GRM7: variants seen among roughly 807,000 people sequenced by gnomAD.
GRM7 encodes metabotropic glutamate receptor 7.
A neutral mutation model predicts 84.5 loss-of-function variants in GRM7; 35 were observed. That is an observed-to-expected ratio of 0.41 (90% CI 0.32 to 0.55). GRM7 has a LOEUF of 0.55. Among genes scored for constraint, GRM7 ranks in the 20% least tolerant of loss-of-function variants. The probability of loss-of-function intolerance (pLI) is 0.19; values close to 1 mark genes in which losing one functional copy is unlikely to be tolerated. For synonymous variants in GRM7, 487 were observed against 455.1 expected (o/e 1.07, Z -0.89); for missense variants, 1,003 against 1,194.6 (o/e 0.84, Z 2.36).
At chr3:7,261,438 T>C (rs1435016664) in intron 2 of GRM7, among the ~76,000 whole-genome samples, 1 of 152,184 alleles carries the variant, frequency 6.6e-6, no homozygotes, top group Non-Finnish European at 1.5e-5. Flanking sequence ...CTGTTATCCA[T>C]TTGCTTGGTA....
intron 7 of GRM7, among the ~76,000 whole-genome samples, chr3:7,545,754 T>C (rs757051804): frequency 6.6e-6 from 1 of 152,206 alleles, no homozygotes; most frequent in Non-Finnish European, 1.5e-5. Context: ...GGAAAGGTTC[T>C]ATTTCCTGAT....
At chr3:7,455,983 G>T (rs1002122202) in intron 6 of GRM7, among the ~76,000 whole-genome samples, 2 of 152,110 alleles carry the variant, frequency 1.3e-5, no homozygotes, top group African/African-American at 4.8e-5. Flanking sequence ...GGGATCATTA[G>T]TTTCCTAATT....
At chr3:7,665,975 A>G (rs1304823827) in intron 8 of GRM7, among the ~76,000 whole-genome samples, 1 of 152,178 alleles carries the variant, frequency 6.6e-6, no homozygotes, top group African/African-American at 2.4e-5. Flanking sequence ...TGAAGGCTTC[A>G]TTTTTGATAG....
chr3:7,577,162 A>C (rs1385952561), intron 7 of GRM7, among the ~76,000 whole-genome samples: 2 of 152,230 alleles, frequency 1.3e-5, no homozygotes, highest in African/African-American at 4.8e-5. Context: ...TAATGATGCC[A>C]TCTCTGACCC....
intron 4 of GRM7, among the ~76,000 whole-genome samples, chr3:7,391,617 G>A (rs969284677): frequency 1.3e-5 from 2 of 151,996 alleles, no homozygotes. Flanking sequence ...TAAATGATGA[G>A]TTAACAGGTG....
intron 9 of GRM7, among the ~76,000 whole-genome samples, chr3:7,701,327 A>ATTTTTTTGTT (rs1701220265): frequency 6.9e-6 from 1 of 144,144 alleles, no homozygotes; most frequent in Non-Finnish European, 1.5e-5. Flanking sequence ...TTGAGACGGA[A>ATTTTTTTGTT]TCTCACTCTG....
At chr3:7,103,083 A>G (rs1043153917) in intron 1 of GRM7, among the ~76,000 whole-genome samples, 37 of 151,816 alleles carry the variant, frequency 2.4e-4, no homozygotes, top group African/African-American at 8.2e-4. Flanking sequence ...TTGATAATGT[A>G]ACTGTTTTTA....
intron 8 of GRM7, among the ~76,000 whole-genome samples, chr3:7,649,030 C>G (rs946102240): frequency 6.6e-6 from 1 of 152,042 alleles, no homozygotes; most frequent in Non-Finnish European, 1.5e-5. Flanking sequence ...GTACCAAGTT[C>G]ATGCCGCAGG....
At position 7,656,547 on chromosome 3, in the gene GRM7, G is replaced by GCACACACACACACACA. The variant is rs36040422; in HGVS notation, c.2452-23487_2452-23472dup. 3.1e-4 allele frequency among the ~76,000 whole-genome samples: 43 copies of GCACACACACACACACA among 139,272 alleles called. 1 individual carries two copies. The East Asian group carries it at 8.0e-3, about 26-fold the overall frequency. 91.4% of individuals were successfully genotyped at this position (139,272 alleles called of 152,430 possible). ...AATATATATATATATATACGCGCGC[G>GCACACACACACACACA]CACACACACACACACACACACACAC... On this transcript the variant is annotated intron_variant, in intron 8 of 9. Coordinates refer to ENST00000357716, the MANE Select transcript of GRM7 (RefSeq NM_000844.4).
At chr3:7,033,153 C>T (rs977213547) in intron 1 of GRM7, among the ~76,000 whole-genome samples, 4 of 152,106 alleles carry the variant, frequency 2.6e-5, no homozygotes, top group East Asian at 1.9e-4. Flanking sequence ...CTGCTTCTGT[C>T]TTCACGTCAC....
At chr3:6,883,649 T>G (rs374046724) in intron 1 of GRM7, among the ~76,000 whole-genome samples, 12 of 152,320 alleles carry the variant, frequency 7.9e-5, no homozygotes, top group African/African-American at 2.6e-4. Flanking sequence ...CATTTTAGGT[T>G]GTATACTTGT....
intron 5 of GRM7, among the ~76,000 whole-genome samples, chr3:7,424,126 C>T (rs987263639): frequency 1.3e-5 from 2 of 152,044 alleles, no homozygotes; most frequent in Non-Finnish European, 2.9e-5. Context: ...CCCATCCCCT[C>T]ATCTGTAAAG....
At chr3:7,002,598 A>C (rs183388985) in intron 1 of GRM7, among the ~76,000 whole-genome samples, 3 of 152,280 alleles carry the variant, frequency 2.0e-5, no homozygotes, top group Admixed American at 2.0e-4. Context: ...CTAATGTAAG[A>C]GGCATAAAGA....
At chr3:7,671,059 T>C (rs1300482098) in intron 8 of GRM7, among the ~76,000 whole-genome samples, 5 of 152,134 alleles carry the variant, frequency 3.3e-5, no homozygotes, top group African/African-American at 1.2e-4. Flanking sequence ...ACAGGGCAAA[T>C]AGTACCTGGT....
At chr3:6,955,108 G>C (rs1429828593) in intron 1 of GRM7, among the ~76,000 whole-genome samples, 1 of 152,172 alleles carries the variant, frequency 6.6e-6, no homozygotes, top group African/African-American at 2.4e-5. Flanking sequence ...TGTCACCCTA[G>C]GCAAGTTGAC....
intron 1 of GRM7, among the ~76,000 whole-genome samples, chr3:6,880,665 G>C (rs1195555926): frequency 6.6e-6 from 1 of 151,864 alleles, no homozygotes; most frequent in Non-Finnish European, 1.5e-5. Context: ...CACTTCTCCT[G>C]TCTGAATTCT....
intron 2 of GRM7, among the ~76,000 whole-genome samples, chr3:7,286,321 G>C (rs79725856): frequency 0.035 from 5,281 of 152,184 alleles, 193 homozygotes; most frequent in African/African-American, 0.09. Context: ...TGGTAAACCT[G>C]AGCTTCATGT....
intron 7 of GRM7, among the ~76,000 whole-genome samples, chr3:7,500,616 C>T (rs529687624): frequency 1.3e-4 from 20 of 152,364 alleles, no homozygotes; most frequent in African/African-American, 3.1e-4. Flanking sequence ...AGCTCATGAA[C>T]ACTTGAAATC....
rs370281185 is a variant in GRM7 at position 6,865,288 on chromosome 3, G to A, written c.519+3381G>A. The stretch of plus-strand genomic sequence containing the variant: ...CATCACAGAGTTGGGATGGCTGGAA[G>A]TAGAGAGGTTATATAATACGGTGAC... On this transcript the variant is annotated intron_variant, in intron 1 of 9. Transcript: ENST00000357716. 4.6e-5 allele frequency among the ~76,000 whole-genome samples: 7 copies of A among 152,336 alleles called. No homozygotes were observed. In the East Asian group the frequency reaches 1.2e-3, roughly 25 times the overall value.
Sources: allele counts gnomAD v4.1 joint callset (sites outside exome capture counted in the v4.1 genomes callset), GRCh38; gene constraint gnomAD v4.1.1; transcripts MANE v1.5; gene names NCBI Gene and HGNC (gene_info 2026-07-23, HGNC 2026-07-21).